The following MFSD11 variants were observed in gnomAD, a reference collection of about 807,000 sequenced individuals.
MFSD11 encodes major facilitator superfamily domain containing 11.
Under a neutral mutation model 53.5 loss-of-function variants are expected in MFSD11, and 36 were observed. That is an observed-to-expected ratio of 0.67 (90% CI 0.52 to 0.89). The LOEUF (loss-of-function observed/expected upper bound fraction) is 0.89. Among genes scored for constraint, MFSD11 ranks in the 40% least tolerant of loss-of-function variants. The pLI is 0.00. For missense variants in MFSD11, 530 were observed against 543.9 expected, an observed-to-expected ratio of 0.97 and a Z score of 0.25; for synonymous variants, 186 against 184.9, an observed-to-expected ratio of 1.01 and a Z score of -0.05.
chr17:76,772,409 A>G (rs1407483432), intron 10 of MFSD11, among the ~76,000 whole-genome samples: 2 of 152,104 alleles, frequency 1.3e-5, no homozygotes, highest in African/African-American at 4.8e-5. Flanking sequence ...CAAAAAAACC[A>G]AAAAACCAAA....
At chr17:76,784,725 C>A (rs954340000), downstream of MFSD11, among the ~76,000 whole-genome samples, 6 of 151,966 alleles carry the variant, frequency 3.9e-5, no homozygotes, top group East Asian at 1.9e-4. Context: ...ATGGTATAAC[C>A]CTGTCTCTAC....
rs747269950 is a variant in MFSD11, at chr17:76,742,235, G to C, written c.399G>C (p.Gly133=). Reference sequence around the variant, plus strand: ...TCAATTCGGATGAGCACAGCATTGGGAGAAACAGTGGGATTTTCTGGGCAC... The same window carrying C: ...TCAATTCGGATGAGCACAGCATTGGCAGAAACAGTGGGATTTTCTGGGCAC... The part of the protein sequence containing the change: ...LTINSDEHSI[G]RNSGIFWALL... Residue 133 remains glycine (G), a synonymous_variant, in exon 5 of 13, where the codon GGG becomes GGC. Coordinates refer to ENST00000685175, the MANE Select transcript of MFSD11 (RefSeq NM_001242532.5). 16 of 1,614,172 alleles carry C rather than the reference G, an allele frequency of 9.9e-6. No homozygotes were observed. The highest frequency in any genetic ancestry group is 9.9e-5 in the South Asian group (9 of 91,082).
chr17:76,757,172 A>T (rs1284388493), intron 8 of MFSD11, among the ~76,000 whole-genome samples: 1 of 152,194 alleles, frequency 6.6e-6, no homozygotes, highest in Admixed American at 6.5e-5. Context: ...GATTCAGGAC[A>T]TCTCACCTAG....
the MFSD11 span, among the ~76,000 whole-genome samples, chr17:76,790,505 C>CTAATTTTTTTTGT: frequency 1.8e-4 from 27 of 147,018 alleles, no homozygotes; most frequent in African/African-American, 6.1e-4. Context: ...CCATACCCAC[C>CTAATTTTTTTTGT]ACAGGTTTTG....
the MFSD11 span, among the ~76,000 whole-genome samples, chr17:76,799,707 C>G: frequency 6.6e-6 from 1 of 152,092 alleles, no homozygotes; most frequent in African/African-American, 2.4e-5. Flanking sequence ...AACCACACCT[C>G]TGTGTCCCAA....
the MFSD11 span, among the ~76,000 whole-genome samples, chr17:76,790,080 T>C: frequency 6.7e-6 from 1 of 149,050 alleles, no homozygotes; most frequent in Admixed American, 6.7e-5. Context: ...CTTTTCTTTT[T>C]TTTTTTTTTC....
intron 8 of MFSD11, among the ~76,000 whole-genome samples, chr17:76,755,813 T>TATATATATATATATATATATATA (rs1491559378): frequency 4.0e-4 from 6 of 15,064 alleles, no homozygotes; most frequent in East Asian, 2.6e-3. Context: ...TATATATATA[T>TATATATATATATATATATATATA]TTTTTTTTTT....
At chr17:76,802,926 A>G in the MFSD11 span, among the ~76,000 whole-genome samples, 1 of 152,132 alleles carries the variant, frequency 6.6e-6, no homozygotes, top group Non-Finnish European at 1.5e-5. Flanking sequence ...TTAAGGTGTT[A>G]TAAAACCCAA....
intron 7 of MFSD11, among the ~76,000 whole-genome samples, chr17:76,751,157 G>A (rs1050463930): frequency 4.0e-5 from 6 of 151,614 alleles, no homozygotes; most frequent in East Asian, 2.0e-4. Context: ...TTGGGAGGCC[G>A]AGGCGGGCGG....
intron 10 of MFSD11, among the ~76,000 whole-genome samples, chr17:76,771,887 G>A (rs995430463): frequency 3.9e-5 from 6 of 152,164 alleles, no homozygotes; most frequent in African/African-American, 7.2e-5. Context: ...AGGCACCCAA[G>A]TAGAGAAGTG....
chr17:76,770,263 C>A (rs942925951), intron 10 of MFSD11, among the ~76,000 whole-genome samples: 6 of 152,098 alleles, frequency 3.9e-5, no homozygotes, highest in Non-Finnish European at 8.8e-5. Context: ...TGGTCTCGAT[C>A]TCCTGACCTC....
chr17:76,773,947 A>T (rs1317414872), intron 10 of MFSD11, among the ~76,000 whole-genome samples: 1 of 150,576 alleles, frequency 6.6e-6, no homozygotes, highest in African/African-American at 2.4e-5. Flanking sequence ...TTTTTTTGAG[A>T]CAGAGTCTTG....
the MFSD11 span, among the ~76,000 whole-genome samples, chr17:76,793,903 T>C: frequency 2.0e-5 from 3 of 151,182 alleles, no homozygotes; most frequent in Non-Finnish European, 4.4e-5. Context: ...GGACAAAGAT[T>C]CAGTCTGCTG....
chr17:76,745,820 T>TTTAC (rs1337861972), intron 7 of MFSD11, among the ~76,000 whole-genome samples: 10 of 151,064 alleles, frequency 6.6e-5, no homozygotes, highest in African/African-American at 9.7e-5. Flanking sequence ...TACTTATTTA[T>TTTAC]TTATTTATTT....
the MFSD11 span, among the ~76,000 whole-genome samples, chr17:76,794,641 CA>C: frequency 0.042 from 2,757 of 65,348 alleles, 274 homozygotes; most frequent in African/African-American, 0.18. Context: ...AACTCTGTCT[CA>C]AAAAAAAAAA....
intron 6 of MFSD11, among the ~76,000 whole-genome samples, chr17:76,743,923 A>G (rs894820630): frequency 6.6e-6 from 1 of 152,092 alleles, no homozygotes; most frequent in African/African-American, 2.4e-5. Flanking sequence ...CCTGGTTTCT[A>G]TTACTAAACT....
chr17:76,796,080 C>G, the MFSD11 span, among the ~76,000 whole-genome samples: 3 of 152,236 alleles, frequency 2.0e-5, no homozygotes, highest in African/African-American at 7.2e-5. Flanking sequence ...ATGCCAGTCT[C>G]CAAAACATAC....
intron 8 of MFSD11, among the ~76,000 whole-genome samples, chr17:76,761,019 C>A (rs905556875): frequency 1.3e-5 from 2 of 152,170 alleles, no homozygotes; most frequent in African/African-American, 4.8e-5. Flanking sequence ...GCCTAGCCAA[C>A]ATGGCAAAAC....
intron 10 of MFSD11, among the ~76,000 whole-genome samples, chr17:76,772,463 C>T (rs1000801729): frequency 6.6e-6 from 1 of 150,556 alleles, no homozygotes; most frequent in Admixed American, 6.6e-5. Flanking sequence ...CAATGAACAT[C>T]TGAATATCCT....
Sources: gnomAD v4.1 joint callset for allele counts (sites outside exome capture counted in the v4.1 genomes callset) on GRCh38, gnomAD v4.1.1 for gene constraint, MANE v1.5 for transcripts, NCBI Gene and HGNC (gene_info 2026-07-23, HGNC 2026-07-21) for gene names.